Variants in CHIA observed in about 807,000 individuals in gnomAD.
CHIA encodes acidic mammalian chitinase.
Under a neutral mutation model 53.5 loss-of-function variants are expected in CHIA, and 47 were observed. The ratio of observed to expected loss-of-function variants is 0.88; its 90% confidence interval spans 0.70 to 1.12. CHIA has a LOEUF of 1.12. Among genes scored for constraint, CHIA ranks in the 50% most tolerant of loss-of-function variants. CHIA has a pLI of 0.00. For missense variants in CHIA, 652 were observed against 592.2 expected, an observed-to-expected ratio of 1.10 and a Z score of -1.05; for synonymous variants, 268 against 222.2, an observed-to-expected ratio of 1.21 and a Z score of -1.83.
rs546824198 is a variant in CHIA, at chr1:111,303,514, G to GCTATTTT, written c.-68-6883_-68-6877dup. Among the ~76,000 whole-genome samples the GCTATTTT allele has an allele frequency of 2.6e-3, 391 of 151,386 alleles. 2 individuals carry two copies. Among genetic ancestry groups the GCTATTTT allele is most frequent in the African/African-American group, 8.9e-3 (368 of 41,252 alleles). On this transcript the variant is annotated intron_variant, in intron 1 of 11. Coordinates refer to ENST00000369740, the MANE Select transcript of CHIA (RefSeq NM_201653.4). ...ACATATGAATACACACACATATATA[G>GCTATTTT]CTATTTTCTTCCCCATTGGTTACAA...
rs143107428 is a variant in CHIA, at chr1:111,318,588, C to T, written c.825C>T (p.Asn275=). 8 of 1,614,084 alleles carry T rather than the reference C, an allele frequency of 5.0e-6. No individual in the cohort carries two copies. Among genetic ancestry groups the T allele is most frequent in the Non-Finnish European group, 6.8e-6 (8 of 1,180,038 alleles). ...PTYGHNFILS[N]PSNTGIGAPT... is the part of the protein sequence containing the mutation. ...ATGGACACAACTTCATCCTGAGCAA[C>T]CCCTCCAACACTGGAATTGGTGCCC... Residue 275 remains asparagine, a synonymous_variant, in exon 9 of 12, where the codon AAC becomes AAT. Coordinates refer to ENST00000369740, the MANE Select transcript of CHIA (RefSeq NM_201653.4).
At chr1:111,301,543 C>CA (rs983563299) in intron 1 of CHIA, among the ~76,000 whole-genome samples, 31 of 149,852 alleles carry the variant, frequency 2.1e-4, no homozygotes, top group Non-Finnish European at 2.7e-4. Flanking sequence ...ACTTAAAATA[C>CA]AAAAAAAAAT....
Position 111,319,478 on chromosome 1 carries a change from T to G in CHIA, c.1177+10T>G. The G allele has an allele frequency of 6.2e-7, 1 of 1,612,920 alleles. No homozygotes were observed. The highest frequency in any genetic ancestry group is 8.5e-7 in the Non-Finnish European group (1 of 1,179,642). ...GGCCTGCAGAGTGCAAGTAAGTGAC[T>G]GAGGGGGAATGCCCAGGTGTATAAA... On this transcript the variant is annotated intron_variant, in intron 11 of 11. Coordinates refer to ENST00000369740, the MANE Select transcript of CHIA (RefSeq NM_201653.4).
intron 1 of CHIA, among the ~76,000 whole-genome samples, chr1:111,295,582 A>T (rs1661286489): frequency 6.6e-6 from 1 of 151,936 alleles, no homozygotes; most frequent in Middle Eastern, 3.2e-3. Flanking sequence ...AGTGTGATCA[A>T]CGCAGAAGAC....
In CHIA at chr1:111,317,790, T is replaced by A. The variant is rs755110105; in HGVS notation, c.590T>A (p.Ile197Asn). ...TCCAATATCCAGTCTGGCTATGAGA[T>A]CCCCCAACTGTCACAGTGAGTGATG... is the stretch of plus-strand genomic sequence containing the variant. ...GISNIQSGYE[I>N]PQLSQYLDYI... The change falls in exon 7 of 12, where the codon ATC becomes AAC. Residue 197 changes from isoleucine (I) to asparagine (N), a missense_variant. Physicochemically the swap from Ile to Asn is moderately radical, Grantham distance 149. Coordinates refer to ENST00000369740, the MANE Select transcript of CHIA (RefSeq NM_201653.4). 1.2e-6 allele frequency: 2 copies of A among 1,613,502 alleles called. No homozygotes were observed. Among genetic ancestry groups the A allele is most frequent in the Admixed American group, 3.3e-5 (2 of 60,022 alleles).
intron 1 of CHIA, among the ~76,000 whole-genome samples, chr1:111,305,198 T>A (rs1174460078): frequency 6.6e-6 from 1 of 152,220 alleles, no homozygotes; most frequent in Non-Finnish European, 1.5e-5. Flanking sequence ...ATTCTCCCAG[T>A]ATATACAGTT....
intron 1 of CHIA, among the ~76,000 whole-genome samples, chr1:111,299,308 T>A (rs1164457205): frequency 6.6e-6 from 1 of 152,100 alleles, no homozygotes; most frequent in African/African-American, 2.4e-5. Flanking sequence ...TAGACCAATA[T>A]CCCTGATGAC....
rs748407448 is a variant in CHIA, at chr1:111,320,416, C to T, written c.1381C>T (p.Gln461Ter). Residue 461 changes from glutamine (Q) to a stop codon, truncating the protein, a stop_gained, in exon 12 of 12, where the codon CAG (glutamine) becomes TAG (stop). Coordinates refer to ENST00000369740, the MANE Select transcript of CHIA (RefSeq NM_201653.4). LOFTEE classifies it high-confidence loss of function. ...TGGAGTCACGTACCAGCAGAACTGC[C>T]AGGCCGGGCTTGTCTTCGACACCAG... ...VNGVTYQQNC[Q>*]AGLVFDTSCD... 3.3e-5 allele frequency: 53 copies of T among 1,614,066 alleles called. No individual in the cohort carries two copies. The highest frequency in any genetic ancestry group is 1.6e-4 in the Middle Eastern group (1 of 6,084).
Position 111,317,195 on chromosome 1 carries a change from T to C in CHIA, c.481-486T>C, listed in dbSNP as rs114153289. ...CCAAATGAGATTACAGTCGCACAGA[T>C]ACAGGTGGATTAATCTCTAGTATTG... On this transcript the variant is annotated intron_variant, in intron 6 of 11. Coordinates refer to ENST00000369740, the MANE Select transcript of CHIA (RefSeq NM_201653.4). 974 of 164,520 alleles carry C rather than the reference T, an allele frequency of 5.9e-3. 8 individuals carry two copies. The highest frequency in any genetic ancestry group is 0.022 in the African/African-American group (907 of 41,792). The allele number at this position is 164,520 out of a possible 1,614,324, so 10.2% of individuals were successfully genotyped here. A position where few individuals can be genotyped will look rare whatever the true frequency, so the allele number is the denominator to read the frequency against.
At chr1:111,291,322 T>C (rs1016800068) in intron 1 of CHIA, among the ~76,000 whole-genome samples, 1 of 152,182 alleles carries the variant, frequency 6.6e-6, no homozygotes, top group African/African-American at 2.4e-5. Flanking sequence ...CACGGAATAC[T>C]ATGCAGCCAT....
chr1:111,312,297 A>T lies in CHIA; in HGVS notation c.163A>T (p.Ile55Phe). 6.2e-7 allele frequency: 1 copy of T among 1,614,086 alleles called. No homozygotes were observed. The highest frequency in any genetic ancestry group is 8.5e-7 in the Non-Finnish European group (1 of 1,179,958). ...CGACCCCTGCCTCTGTACCCACCTG[A>T]TCTACGCCTTTGCTGGGAGGCAGAA... The part of the protein sequence containing the change: ...NIDPCLCTHL[I>F]YAFAGRQNNE... Residue 55 changes from isoleucine to phenylalanine, a missense_variant, in exon 4 of 12, where the codon ATC becomes TTC. Ile to Phe is a conservative substitution (Grantham distance 21, BLOSUM62 0). Coordinates refer to ENST00000369740, the MANE Select transcript of CHIA (RefSeq NM_201653.4).
At chr1:111,307,336 T>G (rs1648267609) in intron 1 of CHIA, among the ~76,000 whole-genome samples, 1 of 152,134 alleles carries the variant, frequency 6.6e-6, no homozygotes. Flanking sequence ...GAGCTAAAAA[T>G]GCAAGAAATA....
chr1:111,313,328 T>C (rs1557744023), intron 4 of CHIA, among the ~76,000 whole-genome samples: 1 of 152,226 alleles, frequency 6.6e-6, no homozygotes, highest in East Asian at 1.9e-4. Context: ...CTTTCATCTT[T>C]TTGATAACAG....
intron 4 of CHIA, 147 bp from the exon 5 acceptor site, chr1:111,314,393 T>C (rs1056039577): frequency 5.2e-6 from 3 of 571,472 alleles, no homozygotes; most frequent in African/African-American, 1.9e-5. Flanking sequence ...AGAATTTTTA[T>C]AAAGGAAGTT....
intron 4 of CHIA, among the ~76,000 whole-genome samples, chr1:111,313,598 T>C (rs902892917): frequency 1.3e-5 from 2 of 152,182 alleles, no homozygotes; most frequent in African/African-American, 4.8e-5. Flanking sequence ...TCCCATTCCA[T>C]AGGTAGTCTC....
rs1649552144 is a variant in CHIA, at chr1:111,320,284, A to T, written c.1249A>T (p.Ser417Cys). ...APSGSGNGSG[S>C]SSSGGSSGGS... ...CAGTGGCAGCGGGAACGGGAGCGGG[A>T]GTAGCAGCTCTGGAGGCAGCTCGGG... Residue 417 changes from serine to cysteine, a missense_variant, in exon 12 of 12, where the codon AGT becomes TGT. Physicochemically the swap from Ser to Cys is moderately radical, Grantham distance 112. Transcript: ENST00000369740. 6.2e-7 allele frequency: 1 copy of T among 1,614,196 alleles called. No homozygotes were observed. The highest frequency in any genetic ancestry group is 2.2e-5 in the East Asian group (1 of 44,888).
Position 111,291,935 on chromosome 1 carries a change from T to G in CHIA, c.-69+985T>G, listed in dbSNP as rs942358509. ...AGGTGCAGCAAGCCACCATGGCACA[T>G]GTTTACCTATGTAAGAAACCTGCAC... On this transcript the variant is annotated intron_variant, in intron 1 of 11. Coordinates refer to ENST00000369740, the MANE Select transcript of CHIA (RefSeq NM_201653.4). Among the ~76,000 whole-genome samples the G allele has an allele frequency of 3.9e-5, 6 of 152,192 alleles. No individual in the cohort carries two copies. In the East Asian group the frequency reaches 1.2e-3, roughly 29 times the overall value.
At chr1:111,313,272 A>T (rs1475004981) in intron 4 of CHIA, among the ~76,000 whole-genome samples, 1 of 152,204 alleles carries the variant, frequency 6.6e-6, no homozygotes, top group Admixed American at 6.5e-5. Flanking sequence ...TCCCACCAAC[A>T]GTGGGCAAGA....
chr1:111,306,017 T>C (rs1342538357), intron 1 of CHIA, among the ~76,000 whole-genome samples: 1 of 152,218 alleles, frequency 6.6e-6, no homozygotes, highest in Admixed American at 6.5e-5. Context: ...AGATCTGTAA[T>C]TTCTTAAGAT....
Sources: allele counts gnomAD v4.1 joint callset (sites outside exome capture counted in the v4.1 genomes callset), GRCh38; gene constraint gnomAD v4.1.1; transcripts MANE v1.5; gene names NCBI Gene and HGNC (gene_info 2026-07-23, HGNC 2026-07-21).